The following ADGRG7 variants were observed in gnomAD, a reference collection of about 807,000 sequenced individuals.
ADGRG7 encodes the protein adhesion G protein-coupled receptor G7, also known as G-protein coupled receptor 128.
In ADGRG7, 82 loss-of-function variants were observed where a neutral mutation model predicts 88.6. That is an observed-to-expected ratio of 0.93 (90% CI 0.77 to 1.11). The LOEUF (loss-of-function observed/expected upper bound fraction) is 1.11, where lower values mean the gene tolerates loss of function less well. ADGRG7 is among the 50% of genes most tolerant of loss of function. The pLI, the probability that ADGRG7 is intolerant of heterozygous loss-of-function variation, is 0.00. For missense variants in ADGRG7, 945 were observed against 953.4 expected, an observed-to-expected ratio of 0.99 and a Z score of 0.12; for synonymous variants, 381 against 345.2, an observed-to-expected ratio of 1.10 and a Z score of -1.15.
At chr3:100,673,297 G>A (rs1241608917) in intron 15 of ADGRG7, among the ~76,000 whole-genome samples, 1 of 152,068 alleles carries the variant, frequency 6.6e-6, no homozygotes, top group Non-Finnish European at 1.5e-5. Context: ...AGACTTGGGA[G>A]GGTGTATGTG....
Position 100,649,702 on chromosome 3 carries a change from A to G in ADGRG7, c.1274A>G (p.Lys425Arg), listed in dbSNP as rs61730367. ...TCTTACCTTGTTTTTCAGACTTTCA[A>G]AAAGGATTATCAATATCCCAAATCA... ...TTNFAVLMTF[K>R]KDYQYPKSLD... is the part of the protein sequence containing the mutation. Residue 425 changes from lysine to arginine, a missense_variant, in exon 11 of 16, where the codon AAA becomes AGA. By Grantham distance (26) the Lys-to-Arg change is conservative. Coordinates refer to ENST00000273352, the MANE Select transcript of ADGRG7 (RefSeq NM_032787.3). 0.064 allele frequency: 101,777 copies of G among 1,583,984 alleles called. 5,234 individuals are homozygous for G. The highest frequency in any genetic ancestry group is 0.25 in the East Asian group (11,030 of 44,592).
intron 14 of ADGRG7, among the ~76,000 whole-genome samples, chr3:100,668,067 T>G (rs1416104559): frequency 2.6e-5 from 4 of 152,098 alleles, no homozygotes; most frequent in Non-Finnish European, 5.9e-5. Context: ...GCTTCCCAGG[T>G]GAGGTGACAC....
chr3:100,611,293 TTCCTTCCTTTCTTCTTTCC>T (rs1707148539), intron 1 of ADGRG7, among the ~76,000 whole-genome samples: 1 of 143,498 alleles, frequency 7.0e-6, no homozygotes, highest in African/African-American at 2.8e-5. Context: ...CCTTCCTTCC[TTCCTTCCTTTCTTCTTTCC>T]TTCCTTCCTT....
Position 100,609,724 on chromosome 3 carries a change from T to C in ADGRG7, c.-133T>C. ...TCAAAAGTCCTAAAATACAAAGACA[T>C]CCATCTGACAGATCACTGAGGGGAG... On this transcript the variant is annotated 5_prime_UTR_variant, in exon 1 of 16. Coordinates refer to ENST00000273352, the MANE Select transcript of ADGRG7 (RefSeq NM_032787.3). 1.6e-6 allele frequency: 1 copy of C among 614,574 alleles called. No homozygotes were observed. Among genetic ancestry groups the C allele is most frequent in the East Asian group, 3.0e-5 (1 of 33,142 alleles). The allele number at this position is 614,574 out of a possible 1,614,324, so 38.1% of individuals were successfully genotyped here. A position where few individuals can be genotyped will look rare whatever the true frequency, so the allele number is the denominator to read the frequency against.
intron 1 of ADGRG7, among the ~76,000 whole-genome samples, chr3:100,623,078 A>G (rs757631787): frequency 7.2e-5 from 11 of 152,062 alleles, no homozygotes; most frequent in East Asian, 1.9e-4. Context: ...TTATCTTAAC[A>G]GTGCCTTTGA....
chr3:100,627,754 C>T (rs1399339023), intron 1 of ADGRG7, among the ~76,000 whole-genome samples: 1 of 152,110 alleles, frequency 6.6e-6, no homozygotes, highest in Admixed American at 6.6e-5. Context: ...AGTGTCTATG[C>T]ATGGTTTTTC....
At chr3:100,683,208 T>A (rs2094976460) in intron 15 of ADGRG7, among the ~76,000 whole-genome samples, 1 of 152,182 alleles carries the variant, frequency 6.6e-6, no homozygotes, top group East Asian at 1.9e-4. Context: ...GGACAAGAAC[T>A]AGGGACCCAC....
At chr3:100,621,781 C>T (rs918788817) in intron 1 of ADGRG7, among the ~76,000 whole-genome samples, 35 of 152,272 alleles carry the variant, frequency 2.3e-4, no homozygotes, top group African/African-American at 8.2e-4. Context: ...AAACAGGCTT[C>T]TATTGAAAGA....
intron 1 of ADGRG7, among the ~76,000 whole-genome samples, chr3:100,614,462 G>C (rs1707198035): frequency 6.6e-6 from 1 of 152,120 alleles, no homozygotes; most frequent in African/African-American, 2.4e-5. Context: ...GTTAATACCG[G>C]ACAAAGTTTA....
intron 15 of ADGRG7, among the ~76,000 whole-genome samples, chr3:100,687,359 A>G (rs1270091732): frequency 1.3e-5 from 2 of 152,004 alleles, no homozygotes; most frequent in East Asian, 1.9e-4. Flanking sequence ...CTAATTGAAT[A>G]CCCTTTATTT....
chr3:100,630,725 AC>A lies in ADGRG7; in HGVS notation c.252del (p.Tyr85IlefsTer45), dbSNP rs753192855. On this transcript the variant is annotated frameshift_variant, in exon 3 of 16. Coordinates refer to ENST00000273352, the MANE Select transcript of ADGRG7 (RefSeq NM_032787.3). LOFTEE classifies it high-confidence loss of function. ...CTIANFCENSTYMGFTFARIP... is the reference protein window; with the variant it reads ...CTIANFCENSXYMGFTFARIP... Reference sequence around the variant, plus strand: ...TACAGCTAATTTTTGTGAAAATAGTACCTATATGGGTTTTACTTTTGCCAGA... The same window carrying A: ...TACAGCTAATTTTTGTGAAAATAGTACTATATGGGTTTTACTTTTGCCAGA... 7.0e-7 allele frequency: 1 copy of A among 1,429,972 alleles called. No homozygotes were observed. Among genetic ancestry groups the A allele is most frequent in the Non-Finnish European group, 9.2e-7 (1 of 1,085,138 alleles). The allele number at this position is 1,429,972 out of a possible 1,614,324, so 88.6% of individuals were successfully genotyped here.
Position 100,635,696 on chromosome 3 carries a change from C to T in ADGRG7, c.467C>T (p.Pro156Leu), listed in dbSNP as rs769722753. 2.5e-6 allele frequency: 4 copies of T among 1,613,560 alleles called. No individual in the cohort carries two copies. The highest frequency in any genetic ancestry group is 3.4e-6 in the Non-Finnish European group (4 of 1,179,782). ...AAACAGGTAAAGGATGTCACAGCAC[C>T]ACTTAATAACATTTCTTCTGAAGTC... is the stretch of plus-strand genomic sequence containing the variant. ...LEKQVKDVTA[P>L]LNNISSEVQI... The change falls in exon 5 of 16, where the codon CCA (proline) becomes CTA (leucine). Residue 156 changes from proline (P) to leucine (L), a missense_variant. Transcript: ENST00000273352.
At chr3:100,632,887 C>T (rs1389165816) in intron 3 of ADGRG7, among the ~76,000 whole-genome samples, 4 of 152,158 alleles carry the variant, frequency 2.6e-5, no homozygotes, top group Admixed American at 6.5e-5. Flanking sequence ...TATAACAGAA[C>T]TCTTTGCCTT....
intron 15 of ADGRG7, among the ~76,000 whole-genome samples, chr3:100,687,078 C>G (rs575356582): frequency 6.6e-6 from 1 of 152,270 alleles, no homozygotes; most frequent in East Asian, 1.9e-4. Flanking sequence ...TGTAGTTCTT[C>G]TTGAAGAGGT....
rs1411394286 is a variant in ADGRG7, at chr3:100,655,036, T to C, written c.1581T>C (p.Thr527=). The change falls in exon 12 of 16, where the codon ACT becomes ACC. Residue 527 remains threonine, a synonymous_variant. Coordinates refer to ENST00000273352, the MANE Select transcript of ADGRG7 (RefSeq NM_032787.3). ...DTINIPNPMC[T]AIAALLHYFL... ...TTAACATCCCGAATCCCATGTGCAC[T>C]GCGATTGCCGCCTTACTGCACTATT... 6.2e-7 allele frequency: 1 copy of C among 1,614,108 alleles called. No homozygotes were observed. Among genetic ancestry groups the C allele is most frequent in the Non-Finnish European group, 8.5e-7 (1 of 1,179,950 alleles).
intron 15 of ADGRG7, among the ~76,000 whole-genome samples, chr3:100,688,930 C>G (rs1180686095): frequency 3.3e-5 from 5 of 152,106 alleles, no homozygotes; most frequent in Non-Finnish European, 7.4e-5. Context: ...CCTGGATAGC[C>G]TTGTTAACTT....
Position 100,654,958 on chromosome 3 carries a change from T to C in ADGRG7, c.1503T>C (p.Gly501=), listed in dbSNP as rs1328017185. 5.0e-6 allele frequency: 8 copies of C among 1,613,692 alleles called. No homozygotes were observed. The African/African-American group carries it at 1.1e-4, about 22-fold the overall frequency. Reference sequence around the variant, plus strand: ...ATAAGAACTTGCAGACAAGTGATGGTGACATCAATAATATTGACTTTGACA... The same window carrying C: ...ATAAGAACTTGCAGACAAGTGATGGCGACATCAATAATATTGACTTTGACA... ...NSNKNLQTSD[G]DINNIDFDNN... The change falls in exon 12 of 16, where the codon GGT becomes GGC. Residue 501 remains glycine (G), a synonymous_variant. Coordinates refer to ENST00000273352, the MANE Select transcript of ADGRG7 (RefSeq NM_032787.3).
rs542369171 is a variant in ADGRG7 at position 100,658,876 on chromosome 3, C to T, written c.1824-812C>T. The stretch of plus-strand genomic sequence containing the variant: ...AAAGAAGGGATTTTTGTTTTGTCCG[C>T]TGCTGATACCTTGGTGTCTAAAACA... On this transcript the variant is annotated intron_variant, in intron 13 of 15. Transcript: ENST00000273352. Among the ~76,000 whole-genome samples the T allele has an allele frequency of 3.9e-5, 6 of 152,286 alleles. No individual in the cohort carries two copies. In the South Asian group the frequency reaches 1.2e-3, roughly 32 times the overall value.
chr3:100,643,745 T>C lies in ADGRG7; in HGVS notation c.946+112T>C. 3 of 679,958 alleles carry C rather than the reference T, an allele frequency of 4.4e-6. No homozygotes were observed. The East Asian group carries it at 8.2e-5, about 19-fold the overall frequency. The allele number at this position is 679,958 out of a possible 1,614,324, so 42.1% of individuals were successfully genotyped here. On this transcript the variant is annotated intron_variant, in intron 8 of 15. Transcript: ENST00000273352. ...TCTACTTAGTTTCATACTGAGTAAT[T>C]TGCATTTGAGTAAGTTTGAGCTCTG...
Sources: gnomAD v4.1 joint callset for allele counts (sites outside exome capture counted in the v4.1 genomes callset) on GRCh38, gnomAD v4.1.1 for gene constraint, MANE v1.5 for transcripts, NCBI Gene and HGNC (gene_info 2026-07-23, HGNC 2026-07-21) for gene names.